Variants in DPP6 observed in about 807,000 individuals in gnomAD.
DPP6 encodes the protein A-type potassium channel modulatory protein DPP6.
In DPP6, 69 loss-of-function variants were observed where a neutral mutation model predicts 122.6. The ratio of observed to expected loss-of-function variants is 0.56; its 90% CI spans 0.46 to 0.69. The LOEUF (loss-of-function observed/expected upper bound fraction) is 0.69. DPP6 is among the 30% of genes least tolerant of loss of function. The probability of loss-of-function intolerance (pLI) is 0.00; values close to 1 mark genes in which losing one functional copy is unlikely to be tolerated. For missense variants in DPP6, 928 were observed against 1,116.9 expected, an observed-to-expected ratio of 0.83 and a Z score of 2.41; for synonymous variants, 418 against 433.1, an observed-to-expected ratio of 0.97 and a Z score of 0.43.
the DPP6 span, among the ~76,000 whole-genome samples, chr7:153,857,347 T>TCTCTCG: frequency 6.6e-6 from 1 of 151,546 alleles, no homozygotes; most frequent in Non-Finnish European, 1.5e-5. Context: ...TCTCTCTCTC[T>TCTCTCG]CTCTCTCTCT....
intron 7 of DPP6, 71 bp from the exon 8 acceptor site, chr7:154,727,696 A>G (rs1586967814): frequency 6.7e-7 from 1 of 1,491,244 alleles, no homozygotes; most frequent in East Asian, 2.5e-5. Context: ...ATGATTTCAG[A>G]TTTTTTAAGA....
intron 16 of DPP6, among the ~76,000 whole-genome samples, chr7:154,809,092 C>A (rs1487733588): frequency 6.6e-6 from 1 of 152,092 alleles, no homozygotes; most frequent in Non-Finnish European, 1.5e-5. Context: ...CTATAACCAG[C>A]AAGAAGGGTC....
chr7:153,991,192 C>G (rs1039652763), intron 1 of DPP6, among the ~76,000 whole-genome samples: 2 of 151,976 alleles, frequency 1.3e-5, no homozygotes, highest in Non-Finnish European at 2.9e-5. Context: ...CTTTTGGAAG[C>G]AGATAGCTCA....
intron 7 of DPP6, among the ~76,000 whole-genome samples, chr7:154,689,958 T>C (rs938373341): frequency 6.6e-6 from 1 of 152,222 alleles, no homozygotes; most frequent in African/African-American, 2.4e-5. Flanking sequence ...AGCCATGTTA[T>C]TGTTGCTTTG....
intron 7 of DPP6, among the ~76,000 whole-genome samples, chr7:154,699,798 G>A (rs904020429): frequency 3.3e-5 from 5 of 152,190 alleles, no homozygotes; most frequent in Admixed American, 2.0e-4. Context: ...TGGGCAGGGC[G>A]ACCTTGGGTC....
the DPP6 span, among the ~76,000 whole-genome samples, chr7:153,862,342 A>T: frequency 2.1e-4 from 32 of 152,352 alleles, no homozygotes; most frequent in African/African-American, 7.2e-4. Flanking sequence ...ACCGCCATGG[A>T]CTGGCCTGTT....
At chr7:154,154,855 G>C (rs1796603721) in intron 1 of DPP6, among the ~76,000 whole-genome samples, 1 of 152,224 alleles carries the variant, frequency 6.6e-6, no homozygotes, top group African/African-American at 2.4e-5. Flanking sequence ...CTCACGAATG[G>C]TAAGAGCCCG....
chr7:154,737,829 C>T (rs986604960), intron 8 of DPP6, among the ~76,000 whole-genome samples: 4 of 152,282 alleles, frequency 2.6e-5, no homozygotes, highest in African/African-American at 9.6e-5. Context: ...ATTTAAGAGC[C>T]CAACAGACCT....
At chr7:154,529,060 T>C (rs2130085324) in intron 3 of DPP6, among the ~76,000 whole-genome samples, 1 of 152,278 alleles carries the variant, frequency 6.6e-6, no homozygotes, top group East Asian at 1.9e-4. Flanking sequence ...GAGATATGGC[T>C]TTGTCTGCAT....
At chr7:154,037,511 G>A (rs1389183635) in intron 1 of DPP6, among the ~76,000 whole-genome samples, 4 of 142,976 alleles carry the variant, frequency 2.8e-5, no homozygotes, top group Non-Finnish European at 4.5e-5. Flanking sequence ...CTTAATAGAC[G>A]AATAAATGAG....
chr7:154,276,800 A>G (rs993524710), intron 1 of DPP6, among the ~76,000 whole-genome samples: 1 of 152,232 alleles, frequency 6.6e-6, no homozygotes. Context: ...AGATCCACAC[A>G]TAAGTTTCTT....
At chr7:153,844,730 T>C in the DPP6 span, among the ~76,000 whole-genome samples, 6 of 152,236 alleles carry the variant, frequency 3.9e-5, no homozygotes, top group Non-Finnish European at 7.3e-5. Context: ...AGACTTTCTA[T>C]AATCTGTAGT....
intron 7 of DPP6, among the ~76,000 whole-genome samples, chr7:154,682,617 T>C (rs1351348159): frequency 6.6e-6 from 1 of 152,210 alleles, no homozygotes; most frequent in East Asian, 1.9e-4. Context: ...CTAAGAACGT[T>C]TGGAGAAATT....
chr7:154,638,434 G>A (rs59215058), intron 6 of DPP6, among the ~76,000 whole-genome samples: 10,442 of 152,164 alleles, frequency 0.069, 1,177 homozygotes, highest in African/African-American at 0.24. Flanking sequence ...TTTCAGCGGC[G>A]TGTTGTTCTT....
chr7:153,793,413 C>T, the DPP6 span, among the ~76,000 whole-genome samples: 1 of 122,882 alleles, frequency 8.1e-6, no homozygotes, highest in African/African-American at 3.0e-5. Flanking sequence ...ATTTGTGAAA[C>T]TTTGAACTTG....
intron 10 of DPP6, among the ~76,000 whole-genome samples, chr7:154,788,772 G>A (rs182040017): frequency 2.5e-4 from 38 of 152,012 alleles, no homozygotes; most frequent in Non-Finnish European, 3.8e-4. Context: ...TTTGGTTATC[G>A]TGTCTGTAGC....
At chr7:154,873,554 G>A (rs761346271) in intron 19 of DPP6, among the ~76,000 whole-genome samples, 2 of 152,132 alleles carry the variant, frequency 1.3e-5, no homozygotes, top group African/African-American at 2.4e-5. Context: ...GATTAACCCT[G>A]GTGTCTTGCC....
At chr7:154,420,464 A>G (rs546958527) in intron 1 of DPP6, among the ~76,000 whole-genome samples, 6 of 152,172 alleles carry the variant, frequency 3.9e-5, no homozygotes, top group Admixed American at 1.3e-4. Context: ...AGTCAGACTC[A>G]TGGAAGGAGA....
intron 1 of DPP6, among the ~76,000 whole-genome samples, chr7:154,311,049 A>G (rs1316762531): frequency 6.6e-6 from 1 of 152,206 alleles, no homozygotes; most frequent in African/African-American, 2.4e-5. Flanking sequence ...CTGAGAGGTC[A>G]ATGGTTGACA....
Sources: gnomAD v4.1 joint callset for allele counts (sites outside exome capture counted in the v4.1 genomes callset) on GRCh38, gnomAD v4.1.1 for gene constraint, MANE v1.5 for transcripts, NCBI Gene and HGNC (gene_info 2026-07-23, HGNC 2026-07-21) for gene names.